Variants in ZBED4 observed in about 807,000 individuals in gnomAD.
The protein encoded by ZBED4 is zinc finger BED-type containing 4, also known as zinc finger BED domain-containing protein 4.
Under a neutral mutation model 15.5 loss-of-function variants are expected in ZBED4, and 4 were observed. That is an observed-to-expected ratio of 0.26 (90% CI 0.13 to 0.59). ZBED4 has a LOEUF of 0.59. ZBED4 is among the 20% of genes least tolerant of loss of function. The pLI is 0.90. For missense variants in ZBED4, 1,323 were observed against 1,461.8 expected (o/e 0.91, Z 1.55); for synonymous variants, 692 against 608.5 (o/e 1.14, Z -2.02).
chr22:49,883,520 A>T lies in ZBED4; in HGVS notation c.-143A>T. 8.5e-7 allele frequency: 1 copy of T among 1,176,422 alleles called. No homozygotes were observed. The highest frequency in any genetic ancestry group is 1.2e-6 in the Non-Finnish European group (1 of 867,276). 72.9% of individuals were successfully genotyped at this position (1,176,422 alleles called of 1,614,324 possible). ...CAGATTCTTTTTTTCAGTACTATTT[A>T]TGATTAGCCATATTTCTAGAAACAT... On this transcript the variant is annotated 5_prime_UTR_variant, in exon 2 of 2. An upstream start codon of the reference 5' UTR is lost. Transcript: ENST00000216268.
intron 1 of ZBED4, among the ~76,000 whole-genome samples, chr22:49,877,176 G>A (rs1317358585): frequency 1.3e-5 from 2 of 151,138 alleles, no homozygotes; most frequent in Non-Finnish European, 2.9e-5. Flanking sequence ...TGTTTAAAGC[G>A]TGTTTCTTGT....
upstream of ZBED4, chr22:49,853,781 G>GCCC (rs1194588970): frequency 1.4e-5 from 2 of 147,372 alleles, no homozygotes; most frequent in Non-Finnish European, 1.5e-5. Flanking sequence ...AGTAGGCCCC[G>GCCC]CCCCCGATCG....
chr22:49,887,285 G>C lies in ZBED4; in HGVS notation c.*107G>C. ...CACGGCTGTGTACGACATCAGACCA[G>C]GCACTCTCAGGGCCGCTCTCCAGCT... On this transcript the variant is annotated 3_prime_UTR_variant, in exon 2 of 2. Coordinates refer to ENST00000216268, the MANE Select transcript of ZBED4 (RefSeq NM_014838.3). The C allele has an allele frequency of 2.5e-6, 3 of 1,208,484 alleles. No individual in the cohort carries two copies. The highest frequency in any genetic ancestry group is 3.5e-6 in the Non-Finnish European group (3 of 864,296). The allele number at this position is 1,208,484 out of a possible 1,614,324, so 74.9% of individuals were successfully genotyped here.
intron 1 of ZBED4, among the ~76,000 whole-genome samples, chr22:49,881,167 G>A (rs535772172): frequency 6.6e-6 from 1 of 151,964 alleles, no homozygotes; most frequent in African/African-American, 2.4e-5. Context: ...CCAACATGGC[G>A]AAACCCCGTC....
intron 1 of ZBED4, among the ~76,000 whole-genome samples, chr22:49,855,428 C>T (rs2060271086): frequency 6.6e-6 from 1 of 152,170 alleles, no homozygotes; most frequent in Non-Finnish European, 1.5e-5. Context: ...TTAAGGTTAC[C>T]TCCTCCCCAA....
At position 49,886,814 on chromosome 22, in the gene ZBED4, C is replaced by T. The variant is rs974724266; in HGVS notation, c.3152C>T (p.Ala1051Val). 1 of 1,613,430 alleles carries T rather than the reference C, an allele frequency of 6.2e-7. No homozygotes were observed. Among genetic ancestry groups the T allele is most frequent in the Non-Finnish European group, 8.5e-7 (1 of 1,179,774 alleles). Residue 1051 changes from alanine (A) to valine (V), a missense_variant, in exon 2 of 2, where the codon GCT (alanine) becomes GTT (valine). Physicochemically the swap from Ala to Val is moderately conservative, Grantham distance 64. Around this residue, in one of 6 missense-constraint regions of ZBED4, gnomAD observed 312 missense variants for 410.7 expected, o/e 0.76. Transcript: ENST00000216268. The surrounding 1 kb of genome is among the most constrained non-coding windows in gnomAD (Gnocchi z 7.7). Reference protein sequence around the residue: ...EDVAASHRCDAGSPSKDSAAE... With the variant: ...EDVAASHRCDVGSPSKDSAAE... ...GTGGCTGCCTCCCACAGGTGTGATG[C>T]TGGCTCCCCGTCGAAAGACTCTGCC...
At position 49,862,318 on chromosome 22, in the gene ZBED4, A is replaced by C. The variant is rs549803898; in HGVS notation, c.-330+8329A>C. ...CGGCGGAGGCCTTACTTTTTTGCTGAGACTGGAATTGATCTCCTGTGCTCA... is the reference window on the plus strand; with the variant it reads ...CGGCGGAGGCCTTACTTTTTTGCTGCGACTGGAATTGATCTCCTGTGCTCA... On this transcript the variant is annotated intron_variant, in intron 1 of 1. Transcript: ENST00000216268. 2.0e-5 allele frequency among the ~76,000 whole-genome samples: 3 copies of C among 152,282 alleles called. No homozygotes were observed. In the East Asian group the frequency reaches 5.8e-4, roughly 29 times the overall value.
chr22:49,878,348 C>T (rs2060389166), intron 1 of ZBED4, among the ~76,000 whole-genome samples: 1 of 147,852 alleles, frequency 6.8e-6, no homozygotes. Context: ...GCTTTCATTT[C>T]TCAAGAGTAA....
intron 1 of ZBED4, among the ~76,000 whole-genome samples, chr22:49,877,825 C>T (rs999753670): frequency 2.6e-5 from 4 of 152,146 alleles, no homozygotes; most frequent in Non-Finnish European, 5.9e-5. Context: ...CCCCTCCTCC[C>T]GCCAGCACAG....
At chr22:49,853,647 C>A (rs553118857), upstream of ZBED4, among the ~76,000 whole-genome samples, 180 of 151,920 alleles carry the variant, frequency 1.2e-3, 1 homozygote, top group Middle Eastern at 0.01. Context: ...GGGGCGGAGC[C>A]GAAGCGCGCA....
chr22:49,858,385 T>C (rs1056662593), intron 1 of ZBED4, among the ~76,000 whole-genome samples: 1 of 152,242 alleles, frequency 6.6e-6, no homozygotes, highest in African/African-American at 2.4e-5. Flanking sequence ...CATGTCCCCG[T>C]CTGAACCAGG....
At chr22:49,871,859 A>T (rs2060349905) in intron 1 of ZBED4, among the ~76,000 whole-genome samples, 1 of 150,902 alleles carries the variant, frequency 6.6e-6, no homozygotes, top group Non-Finnish European at 1.5e-5. Flanking sequence ...GGTTGAAGCG[A>T]TTCTCCTGCC....
chr22:49,874,441 A>G (rs1185659854), intron 1 of ZBED4, among the ~76,000 whole-genome samples: 2 of 149,476 alleles, frequency 1.3e-5, no homozygotes, highest in African/African-American at 5.0e-5. Flanking sequence ...GCTGGAGTGC[A>G]GTGGTGCGAT....
chr22:49,864,820 CAAAAAAA>C (rs71196384), intron 1 of ZBED4, among the ~76,000 whole-genome samples: 1 of 66,992 alleles, frequency 1.5e-5, no homozygotes, highest in Non-Finnish European at 2.3e-5. Context: ...ACCCTGTCTC[CAAAAAAA>C]AAAAAAAAAA....
Position 49,885,377 on chromosome 22 carries a change from C to G in ZBED4, c.1715C>G (p.Ala572Gly), listed in dbSNP as rs2060432599. 2.5e-6 allele frequency: 4 copies of G among 1,594,924 alleles called. No individual in the cohort carries two copies. Among genetic ancestry groups the G allele is most frequent in the Non-Finnish European group, 1.7e-6 (2 of 1,166,934 alleles). Residue 572 changes from alanine to glycine, a missense_variant, in exon 2 of 2, where the codon GCA becomes GGA. Ala to Gly is a moderately conservative substitution (Grantham distance 60, BLOSUM62 0). Transcript: ENST00000216268. ...KLWNHFSICS[A>G]DSTKVVCLHC... ...TGGAATCATTTTTCTATTTGCTCCGCAGACTCCACAAAAGTCGTGTGCTTG... is the reference window on the plus strand; with the variant it reads ...TGGAATCATTTTTCTATTTGCTCCGGAGACTCCACAAAAGTCGTGTGCTTG...
At chr22:49,875,340 T>C (rs2060370555) in intron 1 of ZBED4, among the ~76,000 whole-genome samples, 1 of 152,138 alleles carries the variant, frequency 6.6e-6, no homozygotes, top group African/African-American at 2.4e-5. Flanking sequence ...AAAAGGCTAA[T>C]CAGCTTATTC....
rs537371925 is a variant in ZBED4 at position 49,863,558 on chromosome 22, C to T, written c.-330+9569C>T. ...AGGAGAATTGCTTGAACCGGGGAGG[C>T]GGAGGTTGCGGTGAGCTGAGATCGC... is the stretch of plus-strand genomic sequence containing the variant. On this transcript the variant is annotated intron_variant, in intron 1 of 1. Transcript: ENST00000216268. 4.0e-5 allele frequency among the ~76,000 whole-genome samples: 6 copies of T among 149,782 alleles called. No homozygotes were observed. The East Asian group carries it at 5.9e-4, about 15-fold the overall frequency.
chr22:49,859,644 G>C (rs550972379), intron 1 of ZBED4, among the ~76,000 whole-genome samples: 1 of 152,138 alleles, frequency 6.6e-6, no homozygotes, highest in African/African-American at 2.4e-5. Flanking sequence ...TGCCCTGTTC[G>C]CGGACACAGC....
At position 49,886,563 on chromosome 22, in the gene ZBED4, G is replaced by A. The variant is rs1569166104; in HGVS notation, c.2901G>A (p.Lys967=). Residue 967 remains lysine (K), a synonymous_variant, in exon 2 of 2, where the codon AAG becomes AAA. Coordinates refer to ENST00000216268, the MANE Select transcript of ZBED4 (RefSeq NM_014838.3). The surrounding 1 kb of genome is among the most constrained non-coding windows in gnomAD (Gnocchi z 7.7). ...VIPMVHILNR[K]VEMLFEETMG... ...CCATGGTACACATCCTCAACAGGAA[G>A]GTGGAGATGCTCTTCGAGGAGACGA... 2 of 1,557,716 alleles carry A rather than the reference G, an allele frequency of 1.3e-6. No individual in the cohort carries two copies. The highest frequency in any genetic ancestry group is 1.7e-4 in the Middle Eastern group (1 of 5,800).
Sources: gnomAD v4.1 joint callset for allele counts (sites outside exome capture counted in the v4.1 genomes callset) on GRCh38, gnomAD v4.1.1 for gene constraint, gnomAD v4.1.1 regional missense constraint, Gnocchi (gnomAD v3.1) non-coding constraint, MANE v1.5 for transcripts, NCBI Gene and HGNC (gene_info 2026-07-23, HGNC 2026-07-21) for gene names.